DNASE2B: variants seen among roughly 807,000 people sequenced by gnomAD.
DNASE2B encodes deoxyribonuclease-2-beta.
DNASE2B carries 43 observed loss-of-function variants against 46.0 expected under a neutral mutation model. That is an observed-to-expected ratio of 0.94 (90% CI 0.73 to 1.21). The LOEUF (loss-of-function observed/expected upper bound fraction) is 1.21. Ranked by LOEUF, DNASE2B falls within the 50% of genes most tolerant of loss-of-function variation. DNASE2B has a pLI of 0.00. For missense variants in DNASE2B, 395 were observed against 414.4 expected, an observed-to-expected ratio of 0.95 and a Z score of 0.41; for synonymous variants, 156 against 152.5, an observed-to-expected ratio of 1.02 and a Z score of -0.17.
chr1:84,406,186 A>G (rs1344768221), intron 2 of DNASE2B, among the ~76,000 whole-genome samples: 2 of 152,172 alleles, frequency 1.3e-5, no homozygotes, highest in African/African-American at 4.8e-5. Flanking sequence ...CGTATTATAT[A>G]AAATGAAAAC....
In DNASE2B at chr1:84,398,618, C is replaced by T. The variant is rs2101845334; in HGVS notation, c.54C>T (p.Phe18=). The T allele has an allele frequency of 1.2e-6, 2 of 1,613,848 alleles. No homozygotes were observed. The highest frequency in any genetic ancestry group is 1.7e-6 in the Non-Finnish European group (2 of 1,179,806). The part of the protein sequence containing the change: ...RLLRTSFALL[F]LGLFGVLGAA... ...TAAGAACATCCTTTGCTTTGCTCTT[C>T]CTTGGCCTCTTTGGGGTGCTGGGGG... The change falls in exon 1 of 6, where the codon TTC becomes TTT. Residue 18 remains phenylalanine, a synonymous_variant. Transcript: ENST00000370665.
rs112382743 is a variant in DNASE2B at position 84,414,930 on chromosome 1, C to T, written c.*62C>T. The T allele has an allele frequency of 9.9e-6, 12 of 1,210,556 alleles. No individual in the cohort carries two copies. Among genetic ancestry groups the T allele is most frequent in the African/African-American group, 6.1e-5 (4 of 65,408 alleles). 75.0% of individuals were successfully genotyped at this position (1,210,556 alleles called of 1,614,324 possible). On this transcript the variant is annotated 3_prime_UTR_variant, in exon 6 of 6. Coordinates refer to ENST00000370665, the MANE Select transcript of DNASE2B (RefSeq NM_021233.3). ...CTTGACAATGGGTCTTCTTCCATTACACCTTCTTTATATTTTAAAGGCCTG... is the reference window on the plus strand; with the variant it reads ...CTTGACAATGGGTCTTCTTCCATTATACCTTCTTTATATTTTAAAGGCCTG...
rs1680668617 is a variant in DNASE2B at position 84,414,890 on chromosome 1, AC to A, written c.*23del. 5 of 1,560,070 alleles carry A rather than the reference AC, an allele frequency of 3.2e-6. No individual in the cohort carries two copies. Among genetic ancestry groups the A allele is most frequent in the Non-Finnish European group, 4.4e-6 (5 of 1,141,628 alleles). On this transcript the variant is annotated 3_prime_UTR_variant, in exon 6 of 6. Coordinates refer to ENST00000370665, the MANE Select transcript of DNASE2B (RefSeq NM_021233.3). ...GTAAACTTGGTGAAAGGACACAGGT[AC>A]TATCATTGAAAACCTTGACAATGGG...
chr1:84,408,174 C>T (rs760130677), intron 2 of DNASE2B: 10 of 269,110 alleles, frequency 3.7e-5, no homozygotes, highest in South Asian at 1.4e-4. Flanking sequence ...GAAATAGGAA[C>T]ATTGCCCTCA....
chr1:84,398,720 T>C (rs1379858397), intron 1 of DNASE2B, 31 bp downstream of exon 1: 2 of 1,611,942 alleles, frequency 1.2e-6, no homozygotes, highest in Non-Finnish European at 1.7e-6. Context: ...GACTGCTGCA[T>C]GCAAACAGCC....
In DNASE2B at chr1:84,412,342, G is replaced by C. The variant is rs1398179751; in HGVS notation, c.548-7G>C. ...TCTCAACTTTTCTTTACTGTTTCTTGATTCAGATTCTCAGCTCTTGGTCTG... is the reference window on the plus strand; with the variant it reads ...TCTCAACTTTTCTTTACTGTTTCTTCATTCAGATTCTCAGCTCTTGGTCTG... On this transcript the variant is annotated splice_region_variant and splice_polypyrimidine_tract_variant and intron_variant, in intron 4 of 5. Transcript: ENST00000370665. The C allele has an allele frequency of 5.3e-6, 8 of 1,515,136 alleles. No individual in the cohort carries two copies. Among genetic ancestry groups the C allele is most frequent in the African/African-American group, 4.2e-5 (3 of 71,670 alleles). 93.9% of individuals were successfully genotyped at this position (1,515,136 alleles called of 1,614,324 possible).
In DNASE2B at chr1:84,411,484, C is replaced by CAG. The variant is rs147046401; in HGVS notation, c.547+507_547+508dup. On this transcript the variant is annotated intron_variant, in intron 4 of 5. Transcript: ENST00000370665. ...TGTGTGTGTGTGTGTGTGTGTGTGT[C>CAG]AGAGAGAGAGAGAGAGAGAGAGAAA... 2.5e-3 allele frequency among the ~76,000 whole-genome samples: 233 copies of CAG among 92,370 alleles called. 4 individuals carry two copies. Among genetic ancestry groups the CAG allele is most frequent in the East Asian group, 0.017 (54 of 3,164 alleles). 60.6% of individuals were successfully genotyped at this position (92,370 alleles called of 152,430 possible).
chr1:84,413,722 T>TA (rs1308613001), intron 5 of DNASE2B, among the ~76,000 whole-genome samples: 8 of 152,234 alleles, frequency 5.3e-5, no homozygotes, highest in African/African-American at 1.7e-4. Flanking sequence ...CAGACCTCTA[T>TA]ACTGACTGAT....
At chr1:84,411,817 A>C (rs1161629170) in intron 4 of DNASE2B, among the ~76,000 whole-genome samples, 3 of 152,216 alleles carry the variant, frequency 2.0e-5, no homozygotes, top group Non-Finnish European at 2.9e-5. Flanking sequence ...CTCTAGTCTC[A>C]CTAGTTGAAA....
intron 2 of DNASE2B, among the ~76,000 whole-genome samples, chr1:84,403,592 G>A (rs183154782): frequency 8.2e-4 from 125 of 151,906 alleles, no homozygotes; most frequent in African/African-American, 2.9e-3. Context: ...GGTGGGGAAG[G>A]TGGAAGGGGA....
chr1:84,398,880 A>C lies in DNASE2B; in HGVS notation c.125+191A>C, dbSNP rs1466940942. 2.0e-5 allele frequency among the ~76,000 whole-genome samples: 3 copies of C among 152,150 alleles called. No individual in the cohort carries two copies. In the East Asian group the frequency reaches 5.8e-4, roughly 29 times the overall value. ...TTCTGAGTGACGGAGTTTCCCCCTG[A>C]AAAAGAGCTGAGCAGCCCCTCTTGG... On this transcript the variant is annotated intron_variant, in intron 1 of 5. Coordinates refer to ENST00000370665, the MANE Select transcript of DNASE2B (RefSeq NM_021233.3).
At chr1:84,410,705 T>C in intron 3 of DNASE2B, 133 bp from the exon 4 acceptor site, 1 of 844,954 alleles carries the variant, frequency 1.2e-6, no homozygotes, top group Non-Finnish European at 1.8e-6. Flanking sequence ...AAAATAAGCA[T>C]GATCCTTGTG....
intron 3 of DNASE2B, among the ~76,000 whole-genome samples, chr1:84,410,468 G>A (rs771794446): frequency 6.6e-6 from 1 of 152,190 alleles, no homozygotes; most frequent in Non-Finnish European, 1.5e-5. Context: ...TAGCTGCTTA[G>A]CAGTGAAGAC....
intron 2 of DNASE2B, among the ~76,000 whole-genome samples, chr1:84,402,799 T>C (rs898745853): frequency 1.3e-5 from 2 of 152,222 alleles, no homozygotes; most frequent in Admixed American, 6.5e-5. Context: ...TAACATCCAA[T>C]TATACTCATG....
At chr1:84,408,639 TGA>T (rs1475171294) in intron 3 of DNASE2B, 121 bp downstream of exon 3, 4 of 716,572 alleles carry the variant, frequency 5.6e-6, no homozygotes, top group Admixed American at 8.1e-5. Context: ...ATAGTTTATT[TGA>T]GTTATTGAAA....
At chr1:84,402,823 A>G (rs925870140) in intron 2 of DNASE2B, among the ~76,000 whole-genome samples, 1 of 152,234 alleles carries the variant, frequency 6.6e-6, no homozygotes, top group African/African-American at 2.4e-5. Context: ...GCATTTCCTA[A>G]CAATAACTTA....
chr1:84,412,973 A>T (rs1355934345), intron 5 of DNASE2B, among the ~76,000 whole-genome samples: 1 of 126,120 alleles, frequency 7.9e-6, no homozygotes, highest in Non-Finnish European at 1.6e-5. Context: ...CACCCCTCCA[A>T]CAATCTTATC....
intron 2 of DNASE2B, among the ~76,000 whole-genome samples, chr1:84,405,625 T>G (rs1680480858): frequency 6.6e-6 from 1 of 152,204 alleles, no homozygotes. Context: ...CCAAACATGA[T>G]GAAAAATATG....
At position 84,408,501 on chromosome 1, in the gene DNASE2B, A is replaced by C. The variant is rs190681201; in HGVS notation, c.368A>C (p.Lys123Thr). Residue 123 changes from lysine (K) to threonine (T), a missense_variant, in exon 3 of 6, where the codon AAG (lysine) becomes ACG (threonine). Transcript: ENST00000370665. The part of the protein sequence containing the change: ...GVPKPVNYSR[K>T]YGHTKGLLLW... ...CCTAAACCTGTGAATTACAGCAGAA[A>C]GTATGGACACACCAAAGGTATGACA... The C allele has an allele frequency of 1.9e-5, 31 of 1,610,778 alleles. No homozygotes were observed. The highest frequency in any genetic ancestry group is 1.8e-4 in the Admixed American group (11 of 59,612).
Sources: allele counts gnomAD v4.1 joint callset (sites outside exome capture counted in the v4.1 genomes callset), GRCh38; gene constraint gnomAD v4.1.1; transcripts MANE v1.5; gene names NCBI Gene and HGNC (gene_info 2026-07-23, HGNC 2026-07-21).